Variants in TRIO observed in about 807,000 individuals in gnomAD.
TRIO encodes the protein triple functional domain protein.
A neutral mutation model predicts 351.9 loss-of-function variants in TRIO; 58 were observed. That is an observed-to-expected ratio of 0.16 (90% confidence interval 0.13 to 0.21). TRIO has a LOEUF of 0.21. TRIO is among the 10% of genes least tolerant of loss of function. TRIO has a pLI of 1.00. For missense variants in TRIO, 3,201 were observed against 4,027.8 expected (o/e 0.79, Z 5.56); for synonymous variants, 1,758 against 1,595.7 (o/e 1.10, Z -2.42).
intron 33 of TRIO, among the ~76,000 whole-genome samples, chr5:14,417,644 A>G (rs929514740): frequency 6.6e-5 from 10 of 152,096 alleles, no homozygotes; most frequent in Non-Finnish European, 1.3e-4. Context: ...AGCCCGCAGC[A>G]CACTCTTGTG....
chr5:14,220,204 A>G (rs915313284), intron 1 of TRIO, among the ~76,000 whole-genome samples: 2 of 152,060 alleles, frequency 1.3e-5, no homozygotes, highest in African/African-American at 4.8e-5. Context: ...TCATTGTTAC[A>G]TGTTATGGTG....
At chr5:14,263,969 C>A (rs1051051956) in intron 1 of TRIO, among the ~76,000 whole-genome samples, 1 of 152,178 alleles carries the variant, frequency 6.6e-6, no homozygotes, top group African/African-American at 2.4e-5. Context: ...CACACCTGGG[C>A]ACATGGTTTC....
At chr5:14,390,347 T>C (rs1421793043) in intron 26 of TRIO, 47 bp downstream of exon 26, 2 of 1,572,896 alleles carry the variant, frequency 1.3e-6, no homozygotes, top group South Asian at 1.1e-5. Flanking sequence ...TTAGGTGACG[T>C]TGAAGGAAGT....
chr5:14,309,023 A>T (rs200955086), intron 8 of TRIO, among the ~76,000 whole-genome samples: 1 of 151,530 alleles, frequency 6.6e-6, no homozygotes, highest in African/African-American at 2.4e-5. Flanking sequence ...CCACGCAGTC[A>T]CCCAGCCACT....
chr5:14,207,334 A>AGC (rs1396858659), intron 1 of TRIO, among the ~76,000 whole-genome samples: 5 of 68,044 alleles, frequency 7.3e-5, no homozygotes, highest in Non-Finnish European at 1.1e-4. Flanking sequence ...ACACACACAC[A>AGC]CACACACACA....
chr5:14,337,707 A>G (rs1159444128), intron 11 of TRIO, among the ~76,000 whole-genome samples: 1 of 152,192 alleles, frequency 6.6e-6, no homozygotes, highest in African/African-American at 2.4e-5. Context: ...GAACGGCACT[A>G]CCAGCTCTGA....
intron 1 of TRIO, among the ~76,000 whole-genome samples, chr5:14,218,708 G>A (rs1792381670): frequency 6.6e-6 from 1 of 152,238 alleles, no homozygotes; most frequent in South Asian, 2.1e-4. Context: ...GGGCAGGTGA[G>A]GGTCGCACAG....
intron 1 of TRIO, among the ~76,000 whole-genome samples, chr5:14,162,017 T>G (rs1788488395): frequency 6.6e-6 from 1 of 152,136 alleles, no homozygotes; most frequent in African/African-American, 2.4e-5. Context: ...CCATGCCTGG[T>G]CTCTACTGGG....
chr5:14,316,692 C>T lies in TRIO; in HGVS notation c.1680C>T (p.Val560=). ...QLENIWQHRK[V]RLHQRLQLCV... is the part of the protein sequence containing the mutation. ...AGAACATCTGGCAACACCGCAAGGT[C>T]CGGCTGCATCAGAGGCTGCAGCTGT... is the stretch of plus-strand genomic sequence containing the variant. The change falls in exon 9 of 57, where the codon GTC becomes GTT. Residue 560 remains valine, a synonymous_variant. Transcript: ENST00000344204. 1 of 1,614,198 alleles carries T rather than the reference C, an allele frequency of 6.2e-7. No homozygotes were observed. Among genetic ancestry groups the T allele is most frequent in the Non-Finnish European group, 8.5e-7 (1 of 1,180,040 alleles).
In TRIO at chr5:14,297,323, A is replaced by G. The variant is rs1189253178; in HGVS notation, c.1368+60A>G. ...AACCAGAATAGTTCTTCCTCCATGAATATTGGTGTGTGTGCAAACACTCTT... is the reference window on the plus strand; with the variant it reads ...AACCAGAATAGTTCTTCCTCCATGAGTATTGGTGTGTGTGCAAACACTCTT... On this transcript the variant is annotated intron_variant, in intron 7 of 56. Transcript: ENST00000344204. 9 of 1,538,686 alleles carry G rather than the reference A, an allele frequency of 5.8e-6. No individual in the cohort carries two copies. In the Admixed American group the frequency reaches 7.7e-5, roughly 13 times the overall value.
chr5:14,318,342 T>C (rs1449849366), intron 9 of TRIO, among the ~76,000 whole-genome samples: 13 of 134,378 alleles, frequency 9.7e-5, no homozygotes, highest in South Asian at 2.5e-4. Context: ...GTAATCCCAG[T>C]TACTCAGGAG....
At position 14,286,186 on chromosome 5, in the gene TRIO, G is replaced by A. The variant is rs140208391; in HGVS notation, c.348-685G>A. On this transcript the variant is annotated intron_variant, in intron 3 of 56. Coordinates refer to ENST00000344204, the MANE Select transcript of TRIO (RefSeq NM_007118.4). The surrounding 1 kb of genome is among the most constrained non-coding windows in gnomAD (Gnocchi z 4.4). ...CAGAGGCCAGCAGTGTTAAGCCAGC[G>A]TTGCTACCACATAAAGGCTTAGTAC... is the stretch of plus-strand genomic sequence containing the variant. Among the ~76,000 whole-genome samples, 790 of 152,160 alleles carry A rather than the reference G, an allele frequency of 5.2e-3. 10 individuals carry two copies. The highest frequency in any genetic ancestry group is 0.018 in the African/African-American group (756 of 41,486).
intron 1 of TRIO, among the ~76,000 whole-genome samples, chr5:14,240,450 C>T (rs564201069): frequency 2.0e-5 from 3 of 152,134 alleles, no homozygotes; most frequent in Non-Finnish European, 4.4e-5. Context: ...TACCCTGAAG[C>T]TGTTTTCCCG....
chr5:14,328,124 G>A (rs529698658), intron 9 of TRIO, among the ~76,000 whole-genome samples: 15 of 152,128 alleles, frequency 9.9e-5, no homozygotes, highest in African/African-American at 3.6e-4. Context: ...AAAACAATGC[G>A]CTCAATCCAC....
At chr5:14,424,639 C>T (rs2152393098) in intron 34 of TRIO, among the ~76,000 whole-genome samples, 1 of 152,306 alleles carries the variant, frequency 6.6e-6, no homozygotes. Context: ...CTCCAGTGGG[C>T]ACTACCAAGA....
intron 13 of TRIO, among the ~76,000 whole-genome samples, chr5:14,363,191 G>A (rs536747956): frequency 4.0e-5 from 6 of 151,848 alleles, no homozygotes; most frequent in Admixed American, 6.6e-5. Context: ...GTAGAGATGG[G>A]GTTTTGCCAT....
intron 1 of TRIO, among the ~76,000 whole-genome samples, chr5:14,209,182 A>G (rs370372860): frequency 1.5e-4 from 23 of 152,320 alleles, no homozygotes; most frequent in African/African-American, 4.8e-4. Flanking sequence ...TCCCATTCTC[A>G]TGTTATGACC....
intron 9 of TRIO, among the ~76,000 whole-genome samples, chr5:14,326,270 G>A (rs552630497): frequency 2.6e-5 from 4 of 152,334 alleles, no homozygotes; most frequent in East Asian, 3.9e-4. Context: ...TCAAATGACC[G>A]TAATCATGCC....
At chr5:14,388,238 C>T (rs30797) in intron 23 of TRIO, among the ~76,000 whole-genome samples, 150,168 of 152,254 alleles carry the variant, frequency 0.99, 74,070 homozygotes, top group East Asian at 1. Flanking sequence ...GGCAGTTTTG[C>T]CCCCAATGTG....
Sources: allele counts gnomAD v4.1 joint callset (sites outside exome capture counted in the v4.1 genomes callset), GRCh38; gene constraint gnomAD v4.1.1; non-coding constraint Gnocchi (gnomAD v3.1); transcripts MANE v1.5; gene names NCBI Gene and HGNC (gene_info 2026-07-23, HGNC 2026-07-21).